Variants in GRIK2 observed in about 807,000 individuals in gnomAD.
GRIK2 encodes the protein glutamate ionotropic receptor kainate type subunit 2, also known as glutamate receptor ionotropic, kainate 2.
GRIK2 carries 32 observed loss-of-function variants against 100.3 expected under a neutral mutation model. The ratio of observed to expected loss-of-function variants is 0.32; its 90% CI spans 0.24 to 0.43. The LOEUF (loss-of-function observed/expected upper bound fraction) is 0.43. Among genes scored for constraint, GRIK2 ranks in the 20% least tolerant of loss-of-function variants. The probability of loss-of-function intolerance (pLI) is 1.00; values close to 1 mark genes in which losing one functional copy is unlikely to be tolerated. For missense variants in GRIK2, 843 were observed against 1,114.9 expected (o/e 0.76, Z 3.47); for synonymous variants, 417 against 389.4 (o/e 1.07, Z -0.83).
intron 14 of GRIK2, among the ~76,000 whole-genome samples, chr6:101,940,063 G>A (rs532358006): frequency 6.6e-6 from 1 of 151,458 alleles, no homozygotes; most frequent in East Asian, 1.9e-4. Context: ...ACAAATGTAT[G>A]TTTGTGAGAA....
chr6:101,583,186 G>A (rs1778183178), intron 2 of GRIK2, among the ~76,000 whole-genome samples: 1 of 152,102 alleles, frequency 6.6e-6, no homozygotes, highest in East Asian at 1.9e-4. Flanking sequence ...AAGACTGATT[G>A]AGGTGAGAAG....
chr6:101,790,440 C>A (rs1425190147), intron 7 of GRIK2, among the ~76,000 whole-genome samples: 1 of 151,644 alleles, frequency 6.6e-6, no homozygotes, highest in African/African-American at 2.4e-5. Context: ...TTGTCAAAGG[C>A]TTTTTCTGCA....
intron 4 of GRIK2, among the ~76,000 whole-genome samples, chr6:101,661,466 C>G (rs556566079): frequency 6.6e-6 from 1 of 152,080 alleles, no homozygotes; most frequent in Non-Finnish European, 1.5e-5. Context: ...CTTCAGCCCC[C>G]TTGCCAGGGG....
chr6:101,972,010 T>A (rs1258491061), intron 14 of GRIK2, among the ~76,000 whole-genome samples: 1 of 151,946 alleles, frequency 6.6e-6, no homozygotes, highest in Non-Finnish European at 1.5e-5. Context: ...TTGGCATCTG[T>A]GTTGATTCTA....
At chr6:102,063,054 A>G (rs981189029) in intron 16 of GRIK2, among the ~76,000 whole-genome samples, 1 of 150,660 alleles carries the variant, frequency 6.6e-6, no homozygotes, top group Non-Finnish European at 1.5e-5. Flanking sequence ...AATATATAGT[A>G]TATCCATAAT....
At chr6:101,756,943 A>G (rs1298261339) in intron 7 of GRIK2, among the ~76,000 whole-genome samples, 1 of 152,190 alleles carries the variant, frequency 6.6e-6, no homozygotes, top group African/African-American at 2.4e-5. Context: ...ATATTCTTAA[A>G]AGCAAAGACA....
chr6:101,632,862 G>T (rs895628128), intron 4 of GRIK2, among the ~76,000 whole-genome samples: 3 of 152,024 alleles, frequency 2.0e-5, no homozygotes, highest in African/African-American at 4.8e-5. Flanking sequence ...GAGAAGAAGG[G>T]CTCAGGAGAA....
chr6:101,646,154 C>CTCACCTCCTGGATCAGGGCATGGCTTGT (rs1474439439), intron 4 of GRIK2, among the ~76,000 whole-genome samples: 1 of 151,754 alleles, frequency 6.6e-6, no homozygotes, highest in East Asian at 1.9e-4. Flanking sequence ...GAACTGTGTC[C>CTCACCTCCTGGATCAGGGCATGGCTTGT]TCACCTCCTG....
chr6:101,540,623 T>C lies in GRIK2; in HGVS notation c.116-81326T>C, dbSNP rs185505684. 2.1e-3 allele frequency among the ~76,000 whole-genome samples: 313 copies of C among 152,126 alleles called. 1 individual carries two copies. The highest frequency in any genetic ancestry group is 3.9e-3 in the Admixed American group (59 of 15,264). On this transcript the variant is annotated intron_variant, in intron 2 of 16. Coordinates refer to ENST00000369134, the MANE Select transcript of GRIK2 (RefSeq NM_021956.5). ...CAGGTCTTTCTGATAACTAGAAGCA[T>C]ACAAATATGAAACTACAGTCTTGTG...
chr6:101,748,695 A>C (rs1395309277), intron 7 of GRIK2, among the ~76,000 whole-genome samples: 1 of 152,192 alleles, frequency 6.6e-6, no homozygotes, highest in Non-Finnish European at 1.5e-5. Flanking sequence ...GTTGAATAAG[A>C]AACTGAGACT....
In GRIK2 at chr6:102,004,525, T is replaced by G. The variant is rs1795112287; in HGVS notation, c.2086-30816T>G. On this transcript the variant is annotated intron_variant, in intron 14 of 16. Transcript: ENST00000369134. ...TTTGAAAATGTTTCTATACCTCCAC[T>G]TAAGGCCTGCTTAATTCTAAGATTT... Among the ~76,000 whole-genome samples, 3 of 151,898 alleles carry G rather than the reference T, an allele frequency of 2.0e-5. No individual in the cohort carries two copies. The South Asian group carries it at 6.2e-4, about 32-fold the overall frequency.
intron 7 of GRIK2, among the ~76,000 whole-genome samples, chr6:101,704,654 T>C (rs1773130414): frequency 6.6e-6 from 1 of 151,454 alleles, no homozygotes; most frequent in African/African-American, 2.4e-5. Context: ...TTTCAGAATA[T>C]GTAGCCTCCT....
At chr6:101,787,556 C>G (rs900129382) in intron 7 of GRIK2, among the ~76,000 whole-genome samples, 2 of 152,192 alleles carry the variant, frequency 1.3e-5, no homozygotes, top group East Asian at 3.9e-4. Flanking sequence ...TACTCCATGA[C>G]CTAATGGTCA....
At chr6:101,480,893 A>G (rs1271524249) in intron 2 of GRIK2, among the ~76,000 whole-genome samples, 2 of 152,208 alleles carry the variant, frequency 1.3e-5, no homozygotes, top group Non-Finnish European at 2.9e-5. Context: ...GAGAAATTGA[A>G]AGCAGTAAAA....
chr6:102,003,261 T>C (rs1209925150), intron 14 of GRIK2, among the ~76,000 whole-genome samples: 1 of 151,644 alleles, frequency 6.6e-6, no homozygotes, highest in African/African-American at 2.4e-5. Context: ...ATATATGGGA[T>C]AAATGGAATT....
chr6:101,737,432 G>A (rs1377298445), intron 7 of GRIK2, among the ~76,000 whole-genome samples: 1 of 152,218 alleles, frequency 6.6e-6, no homozygotes, highest in African/African-American at 2.4e-5. Context: ...AAGGCAAGGA[G>A]GAGCAAATCA....
chr6:101,847,490 T>C (rs968998264), intron 10 of GRIK2, among the ~76,000 whole-genome samples: 5 of 152,160 alleles, frequency 3.3e-5, no homozygotes, highest in Non-Finnish European at 7.4e-5. Flanking sequence ...CTGTATTTTT[T>C]GTTCTGGGTG....
intron 14 of GRIK2, among the ~76,000 whole-genome samples, chr6:101,932,581 G>GTT (rs1165058995): frequency 1.2e-4 from 18 of 144,400 alleles, no homozygotes; most frequent in African/African-American, 4.5e-4. Context: ...ATTCTTTGAA[G>GTT]TTTTTTTTTT....
Position 102,022,687 on chromosome 6 carries a change from T to C in GRIK2, c.2086-12654T>C, listed in dbSNP as rs912539958. On this transcript the variant is annotated intron_variant, in intron 14 of 16. Transcript: ENST00000369134. ...TATTGATTTTTTTTCTGAAGATACA[T>C]CTTCAATATTATATTTTTTATAATC... Among the ~76,000 whole-genome samples the C allele has an allele frequency of 2.6e-5, 4 of 151,770 alleles. No homozygotes were observed. In the South Asian group the frequency reaches 8.3e-4, roughly 31 times the overall value.
Sources: gnomAD v4.1 joint callset for allele counts (sites outside exome capture counted in the v4.1 genomes callset) on GRCh38, gnomAD v4.1.1 for gene constraint, MANE v1.5 for transcripts, NCBI Gene and HGNC (gene_info 2026-07-23, HGNC 2026-07-21) for gene names.